ZFP1: variants seen among roughly 807,000 people sequenced by gnomAD.
ZFP1 encodes the protein zinc finger protein 1 homolog.
In ZFP1, 32 loss-of-function variants were observed where a neutral mutation model predicts 38.5. The observed-to-expected ratio is 0.83, with a 90% CI of 0.63 to 1.12. The LOEUF (loss-of-function observed/expected upper bound fraction) is 1.12, where lower values mean the gene tolerates loss of function less well. Among genes scored for constraint, ZFP1 ranks in the 50% most tolerant of loss-of-function variants. The probability of loss-of-function intolerance (pLI) is 0.00; values close to 1 mark genes in which losing one functional copy is unlikely to be tolerated. For missense variants in ZFP1, 616 were observed against 480.8 expected (o/e 1.28, Z -2.63); for synonymous variants, 245 against 168.8 (o/e 1.45, Z -3.50).
At chr16:75,169,227 C>CT in intron 3 of ZFP1, 26 bp from the exon 4 acceptor site, 1 of 1,573,170 alleles carries the variant, frequency 6.4e-7, no homozygotes, top group Non-Finnish European at 8.6e-7. Context: ...TGACAAGGTT[C>CT]TTTTCATTGT....
Position 75,171,301 on chromosome 16 carries a change from A to T in ZFP1, c.*967A>T, listed in dbSNP as rs1597096347. On this transcript the variant is annotated 3_prime_UTR_variant, in exon 4 of 4. Coordinates refer to ENST00000570010, the MANE Select transcript of ZFP1 (RefSeq NM_153688.4). The stretch of plus-strand genomic sequence containing the variant: ...TGCTTCTGTAGTTCACAAATGTTAC[A>T]TTTCAGAGACTTTAGAGGAAAAATT... 6.6e-6 allele frequency: 1 copy of T among 152,308 alleles called. No homozygotes were observed. 9.4% of individuals were successfully genotyped at this position (152,308 alleles called of 1,614,324 possible). A position where few individuals can be genotyped will look rare whatever the true frequency, so the allele number is the denominator to read the frequency against.
intron 1 of ZFP1, among the ~76,000 whole-genome samples, chr16:75,151,100 C>T (rs559761611): frequency 6.6e-6 from 1 of 152,054 alleles, no homozygotes; most frequent in African/African-American, 2.4e-5. Flanking sequence ...CTCAAGCAGT[C>T]CACCCACCTT....
At chr16:75,143,669 T>TTTA (rs2036911235), upstream of ZFP1, among the ~76,000 whole-genome samples, 1 of 148,062 alleles carries the variant, frequency 6.8e-6, no homozygotes, top group Non-Finnish European at 1.5e-5. Context: ...TTTTTTTTTT[T>TTTA]GAGACATAGT....
chr16:75,169,194 C>G, intron 3 of ZFP1, 59 bp from the exon 4 acceptor site: 2 of 1,519,764 alleles, frequency 1.3e-6, no homozygotes, highest in African/African-American at 1.4e-5. Flanking sequence ...ACTTCCCATT[C>G]GGTAACATTA....
intron 2 of ZFP1, among the ~76,000 whole-genome samples, chr16:75,166,004 T>A (rs2325829): frequency 0.93 from 141,728 of 152,054 alleles, 66,122 homozygotes; most frequent in African/African-American, 0.95. Context: ...ATGTATTTTT[T>A]AAAAAAATTT....
intron 1 of ZFP1, among the ~76,000 whole-genome samples, chr16:75,150,428 C>CCAGGT (rs1448955359): frequency 6.6e-6 from 1 of 151,800 alleles, no homozygotes; most frequent in Non-Finnish European, 1.5e-5. Context: ...ACCGTGTTAG[C>CCAGGT]CAGGATGGTC....
chr16:75,165,157 G>A (rs945801000), intron 2 of ZFP1, among the ~76,000 whole-genome samples: 9 of 151,962 alleles, frequency 5.9e-5, no homozygotes, highest in South Asian at 4.2e-4. Flanking sequence ...TTGACGTGTT[G>A]CCTATGCCTG....
At chr16:75,155,906 A>G (rs1044227141) in intron 2 of ZFP1, among the ~76,000 whole-genome samples, 1 of 152,216 alleles carries the variant, frequency 6.6e-6, no homozygotes, top group Non-Finnish European at 1.5e-5. Flanking sequence ...CTTGGTTTGC[A>G]TAATCTTTTG....
At chr16:75,132,784 G>C in the ZFP1 span, among the ~76,000 whole-genome samples, 3 of 147,958 alleles carry the variant, frequency 2.0e-5, no homozygotes, top group Non-Finnish European at 4.4e-5. Context: ...AGCCTCCTGT[G>C]TAGCTGGGAT....
chr16:75,170,320 G>A lies in ZFP1; in HGVS notation c.1210G>A (p.Gly404Arg), dbSNP rs750777012. 63 of 1,577,906 alleles carry A rather than the reference G, an allele frequency of 4.0e-5. No homozygotes were observed. The highest frequency in any genetic ancestry group is 2.0e-4 in the East Asian group (9 of 44,524). ...RLSVHQRVHI[G>R]EKP Reference sequence around the variant, plus strand: ...CAGTGTCCATCAGAGAGTTCACATCGGGGAGAAACCCTGAAACTCCAGCCA... The same window carrying A: ...CAGTGTCCATCAGAGAGTTCACATCAGGGAGAAACCCTGAAACTCCAGCCA... The change falls in exon 4 of 4, where the codon GGG becomes AGG. Residue 404 changes from glycine to arginine, a missense_variant. Coordinates refer to ENST00000570010, the MANE Select transcript of ZFP1 (RefSeq NM_153688.4).
rs781492447 is a variant in ZFP1, at chr16:75,169,362, T to G, written c.252T>G (p.Asp84Glu). The G allele has an allele frequency of 4.3e-6, 7 of 1,612,496 alleles. No homozygotes were observed. The East Asian group carries it at 1.6e-4, about 36-fold the overall frequency. ...KNQTPIEERGDLFGKALNLNT... is the reference protein window; with the variant it reads ...KNQTPIEERGELFGKALNLNT... ...AAACCCCAATTGAGGAAAGAGGCGA[T>G]CTCTTTGGAAAAGCACTTAATCTGA... Residue 84 changes from aspartate (D) to glutamate (E), a missense_variant, in exon 4 of 4, where the codon GAT becomes GAG. Transcript: ENST00000570010.
chr16:75,120,083 C>T, the ZFP1 span, among the ~76,000 whole-genome samples: 46 of 152,200 alleles, frequency 3.0e-4, no homozygotes, highest in Admixed American at 9.8e-4. Flanking sequence ...TTTAAAGGAG[C>T]TCAATGATTA....
upstream of ZFP1, chr16:75,148,502 T>G (rs1248188059): frequency 6.6e-6 from 1 of 152,284 alleles, no homozygotes; most frequent in East Asian, 1.9e-4. Flanking sequence ...GCATGTGCAG[T>G]GCTGCGAGCG....
rs549762126 is a variant in ZFP1 at position 75,161,163 on chromosome 16, G to T, written c.16-5607G>T. Among the ~76,000 whole-genome samples, 5 of 152,252 alleles carry T rather than the reference G, an allele frequency of 3.3e-5. No individual in the cohort carries two copies. In the South Asian group the frequency reaches 1.0e-3, roughly 32 times the overall value. ...GCTCACTGCCACCTCCGCCTTCCGGGTTCAAGCGATTCTCCTGCCTCAGCC... is the reference window on the plus strand; with the variant it reads ...GCTCACTGCCACCTCCGCCTTCCGGTTTCAAGCGATTCTCCTGCCTCAGCC... On this transcript the variant is annotated intron_variant, in intron 2 of 3. Coordinates refer to ENST00000570010, the MANE Select transcript of ZFP1 (RefSeq NM_153688.4).
At chr16:75,167,077 G>A (rs2038130582) in intron 3 of ZFP1, among the ~76,000 whole-genome samples, 181 bp downstream of exon 3, 1 of 152,208 alleles carries the variant, frequency 6.6e-6, no homozygotes, top group African/African-American at 2.4e-5. Context: ...GGCTTCTGAA[G>A]TCCAGGCAAT....
chr16:75,167,891 C>A (rs1206381233), intron 3 of ZFP1, among the ~76,000 whole-genome samples: 1 of 152,098 alleles, frequency 6.6e-6, no homozygotes, highest in Non-Finnish European at 1.5e-5. Flanking sequence ...GAGGTCAGTT[C>A]AATACCAGCA....
chr16:75,163,099 G>A (rs929368070), intron 2 of ZFP1, among the ~76,000 whole-genome samples: 31 of 151,762 alleles, frequency 2.0e-4, no homozygotes, highest in African/African-American at 7.2e-4. Context: ...TAGTAGAGAC[G>A]GGGTTCGCCA....
At chr16:75,146,002 A>T (rs1253312970), upstream of ZFP1, among the ~76,000 whole-genome samples, 1 of 152,112 alleles carries the variant, frequency 6.6e-6, no homozygotes, top group Non-Finnish European at 1.5e-5. Flanking sequence ...AAAGGTGCTC[A>T]CCCTGGCCCT....
chr16:75,134,865 C>G, the ZFP1 span, among the ~76,000 whole-genome samples: 1 of 151,952 alleles, frequency 6.6e-6, no homozygotes, highest in South Asian at 2.1e-4. Context: ...CAAGACCAGC[C>G]TGACCAACAT....
Sources: allele counts gnomAD v4.1 joint callset (sites outside exome capture counted in the v4.1 genomes callset), GRCh38; gene constraint gnomAD v4.1.1; transcripts MANE v1.5; gene names NCBI Gene and HGNC (gene_info 2026-07-23, HGNC 2026-07-21).